GTF2H3: variants seen among roughly 807,000 people sequenced by gnomAD.
GTF2H3 encodes TFIIH basal transcription factor complex p34 subunit.
A neutral mutation model predicts 51.1 loss-of-function variants in GTF2H3; 42 were observed. The observed-to-expected ratio is 0.82, with a 90% CI of 0.64 to 1.06. The LOEUF (loss-of-function observed/expected upper bound fraction) is 1.06, where lower values mean the gene tolerates loss of function less well. Ranked by LOEUF, GTF2H3 falls within the 50% of genes least tolerant of loss-of-function variation. The pLI, the probability that GTF2H3 is intolerant of heterozygous loss-of-function variation, is 0.00. For missense variants in GTF2H3, 326 were observed against 366.1 expected, an observed-to-expected ratio of 0.89 and a Z score of 0.89; for synonymous variants, 123 against 123.8, an observed-to-expected ratio of 0.99 and a Z score of 0.04.
At chr12:123,655,668 A>C (rs965557789) in intron 8 of GTF2H3, 103 bp from the exon 9 acceptor site, 6 of 709,030 alleles carry the variant, frequency 8.5e-6, no homozygotes, top group African/African-American at 5.4e-5. Context: ...TTGCATATTG[A>C]GTGAGCTATT....
intron 5 of GTF2H3, among the ~76,000 whole-genome samples, chr12:123,651,816 T>A (rs1309229394): frequency 7.0e-6 from 1 of 143,090 alleles, no homozygotes; most frequent in African/African-American, 2.6e-5. Context: ...CGAGACTACA[T>A]CTCAAAAAAA....
At chr12:123,655,695 G>A in intron 8 of GTF2H3, 76 bp from the exon 9 acceptor site, 2 of 846,338 alleles carry the variant, frequency 2.4e-6, no homozygotes, top group Non-Finnish European at 4.1e-6. Context: ...ATAGAGTATG[G>A]CATGTAGTAG....
chr12:123,644,534 C>T (rs1955420733), intron 2 of GTF2H3, among the ~76,000 whole-genome samples: 1 of 151,930 alleles, frequency 6.6e-6, no homozygotes, highest in South Asian at 2.1e-4. Flanking sequence ...GGCGAGGTAG[C>T]ACAGGCCTGT....
intron 7 of GTF2H3, among the ~76,000 whole-genome samples, chr12:123,653,165 A>C (rs755633175): frequency 6.6e-6 from 1 of 152,176 alleles, no homozygotes; most frequent in Non-Finnish European, 1.5e-5. Flanking sequence ...AATGTTAACT[A>C]TCCAGGATTC....
chr12:123,645,549 A>ACATTCAAGAAAGGTATGAC lies in GTF2H3; in HGVS notation c.193_200+11dup, dbSNP rs1253188371. 2 of 1,561,090 alleles carry ACATTCAAGAAAGGTATGAC rather than the reference A, an allele frequency of 1.3e-6. No individual in the cohort carries two copies. The highest frequency in any genetic ancestry group is 1.8e-6 in the Non-Finnish European group (2 of 1,131,878). On this transcript the variant is annotated frameshift_variant, in exon 3 of 13. Coordinates refer to ENST00000543341, the MANE Select transcript of GTF2H3 (RefSeq NM_001516.5). LOFTEE classifies it high-confidence loss of function. ...AACAAACTTGCTGTGATAGCAAGTCACATTCAAGAAAGGTATGACCATTGT... is the reference window on the plus strand; with the variant it reads ...AACAAACTTGCTGTGATAGCAAGTCACATTCAAGAAAGGTATGACCATTCAAGAAAGGTATGACCATTGT...
intron 7 of GTF2H3, among the ~76,000 whole-genome samples, chr12:123,653,433 G>A (rs1327384712): frequency 2.0e-5 from 3 of 151,980 alleles, no homozygotes; most frequent in East Asian, 1.9e-4. Flanking sequence ...AGGCCAAGGC[G>A]GGTGGATCAC....
intron 2 of GTF2H3, among the ~76,000 whole-genome samples, chr12:123,640,355 A>G (rs1168698758): frequency 2.2e-5 from 2 of 89,012 alleles, no homozygotes; most frequent in East Asian, 2.6e-4. Context: ...TTTTTTTTTG[A>G]GACGGAGTTT....
chr12:123,645,512 A>G lies in GTF2H3; in HGVS notation c.151A>G (p.Met51Val), dbSNP rs138518883. 10 of 1,610,512 alleles carry G rather than the reference A, an allele frequency of 6.2e-6. No homozygotes were observed. The African/African-American group carries it at 6.7e-5, about 11-fold the overall frequency. Residue 51 changes from methionine to valine, a missense_variant, in exon 3 of 13, where the codon ATG (methionine) becomes GTG (valine). Met to Val is a conservative substitution (Grantham distance 21). Coordinates refer to ENST00000543341, the MANE Select transcript of GTF2H3 (RefSeq NM_001516.5). ...VMVLGNSHLF[M>V]NRSNKLAVIA... is the part of the protein sequence containing the mutation. ...GGTGCTGGGAAATTCGCATTTATTC[A>G]TGAATCGTTCCAACAAACTTGCTGT...
intron 2 of GTF2H3, among the ~76,000 whole-genome samples, chr12:123,640,152 A>C (rs1178596193): frequency 1.3e-5 from 2 of 151,984 alleles, no homozygotes; most frequent in South Asian, 4.2e-4. Context: ...GAGCCACCGC[A>C]CCTGGCTGAT....
intron 7 of GTF2H3, among the ~76,000 whole-genome samples, chr12:123,653,683 A>C (rs1233579692): frequency 6.6e-6 from 1 of 151,666 alleles, no homozygotes; most frequent in African/African-American, 2.4e-5. Context: ...GTAACGAGAT[A>C]TTCATTGTTT....
rs1566227248 is a variant in GTF2H3, at chr12:123,645,438, C to T, written c.94-17C>T. The T allele has an allele frequency of 1.5e-6, 2 of 1,351,498 alleles. No individual in the cohort carries two copies. The highest frequency in any genetic ancestry group is 1.7e-5 in the Admixed American group (1 of 57,722). 83.7% of individuals were successfully genotyped at this position (1,351,498 alleles called of 1,614,324 possible). ...GATAGCTAATTTGTTTTTCTAATGT[C>T]TTTTTTTTTCCAACAGTTCACTTTA... On this transcript the variant is annotated splice_polypyrimidine_tract_variant and intron_variant, in intron 2 of 12. Coordinates refer to ENST00000543341, the MANE Select transcript of GTF2H3 (RefSeq NM_001516.5).
rs370697728 is a variant in GTF2H3, at chr12:123,653,542, G to A, written c.486+807G>A. 3.1e-4 allele frequency among the ~76,000 whole-genome samples: 47 copies of A among 151,904 alleles called. 1 individual carries two copies. The highest frequency in any genetic ancestry group is 9.4e-4 in the African/African-American group (39 of 41,446). On this transcript the variant is annotated intron_variant, in intron 7 of 12. Coordinates refer to ENST00000543341, the MANE Select transcript of GTF2H3 (RefSeq NM_001516.5). ...TGGGCGCCTGTAGTCCCAGCTACTCGGGAGGCTGAGGCAGGAGAATGGCGT... is the reference window on the plus strand; with the variant it reads ...TGGGCGCCTGTAGTCCCAGCTACTCAGGAGGCTGAGGCAGGAGAATGGCGT...
intron 3 of GTF2H3, among the ~76,000 whole-genome samples, chr12:123,646,863 A>G (rs1955453257): frequency 6.6e-6 from 1 of 151,260 alleles, no homozygotes; most frequent in South Asian, 2.1e-4. Context: ...AAAAGTCACA[A>G]GGCCATGGCT....
At position 123,648,046 on chromosome 12, in the gene GTF2H3, G is replaced by A. The variant is rs1350234569; in HGVS notation, c.284G>A (p.Gly95Glu). 4 of 1,611,526 alleles carry A rather than the reference G, an allele frequency of 2.5e-6. No individual in the cohort carries two copies. The East Asian group carries it at 8.9e-5, about 36-fold the overall frequency. The part of the protein sequence containing the change: ...PGNPPEFNPS[G>E]SKDGKYELLT... ...AACCCTCCTGAATTTAATCCCTCTG[G>A]GAGTAAAGATGGAAAATACGAACTT... The change falls in exon 4 of 13, where the codon GGG becomes GAG. Residue 95 changes from glycine (G) to glutamate (E), a missense_variant. Physicochemically the swap from Gly to Glu is moderately conservative, Grantham distance 98. Transcript: ENST00000543341.
At chr12:123,642,957 C>T (rs1469123880) in intron 2 of GTF2H3, among the ~76,000 whole-genome samples, 3 of 152,190 alleles carry the variant, frequency 2.0e-5, no homozygotes, top group Non-Finnish European at 2.9e-5. Context: ...TTACCGCAAT[C>T]TCCACCTCCC....
intron 5 of GTF2H3, among the ~76,000 whole-genome samples, chr12:123,651,369 G>A (rs1420337404): frequency 3.9e-5 from 6 of 152,054 alleles, no homozygotes; most frequent in South Asian, 2.1e-4. Context: ...CATCACTCCC[G>A]GCTAATTTTT....
In GTF2H3 at chr12:123,659,577, A is replaced by G. The variant is rs759011429; in HGVS notation, c.677A>G (p.Tyr226Cys). 6.2e-7 allele frequency: 1 copy of G among 1,613,826 alleles called. No individual in the cohort carries two copies. Residue 226 changes from tyrosine to cysteine, a missense_variant, in exon 10 of 13, where the codon TAT becomes TGT. By Grantham distance (194) the Tyr-to-Cys change is radical (BLOSUM62 -2). Coordinates refer to ENST00000543341, the MANE Select transcript of GTF2H3 (RefSeq NM_001516.5). ...CCTCAGATGCCTTCTCTTCTGCAGTATTTGCTGGTAAGGAGACAGCAGCGG... is the reference window on the plus strand; with the variant it reads ...CCTCAGATGCCTTCTCTTCTGCAGTGTTTGCTGGTAAGGAGACAGCAGCGG... ...KVPQMPSLLQ[Y>C]LLWVFLPDQD...
At chr12:123,653,874 C>T (rs990372972) in intron 7 of GTF2H3, among the ~76,000 whole-genome samples, 15 of 151,920 alleles carry the variant, frequency 9.9e-5, no homozygotes, top group South Asian at 2.1e-4. Flanking sequence ...GCTTATTTTC[C>T]GGAGGTAATT....
Position 123,659,847 on chromosome 12 carries a change from CA to C in GTF2H3, c.738del (p.Val247PhefsTer51). On this transcript the variant is annotated frameshift_variant, in exon 11 of 13. Transcript: ENST00000543341. LOFTEE classifies it high-confidence loss of function. Reference protein sequence around the residue: ...DQRSQLILPPPVHVDYRAACF... With the variant: ...DQRSQLILPPXVHVDYRAACF... The stretch of plus-strand genomic sequence containing the variant: ...AGATCTCAGTTAATCCTCCCACCCC[CA>C]GTTCATGTTGACTACAGGGCTGCTT... 6.2e-7 allele frequency: 1 copy of C among 1,613,568 alleles called. No homozygotes were observed. Among genetic ancestry groups the C allele is most frequent in the Non-Finnish European group, 8.5e-7 (1 of 1,179,502 alleles).
Sources: allele counts gnomAD v4.1 joint callset (sites outside exome capture counted in the v4.1 genomes callset), GRCh38; gene constraint gnomAD v4.1.1; transcripts MANE v1.5; gene names NCBI Gene and HGNC (gene_info 2026-07-23, HGNC 2026-07-21).